The following MIER2 variants were observed in gnomAD, a reference collection of about 807,000 sequenced individuals.
The protein encoded by MIER2 is mesoderm induction early response protein 2.
A neutral mutation model predicts 67.6 loss-of-function variants in MIER2; 30 were observed. The observed-to-expected ratio is 0.44, with a 90% CI of 0.33 to 0.60. The LOEUF (loss-of-function observed/expected upper bound fraction) is 0.60. Ranked by LOEUF, MIER2 falls within the 20% of genes least tolerant of loss-of-function variation. MIER2 has a pLI of 0.02. For missense variants in MIER2, 702 were observed against 745.1 expected (o/e 0.94, Z 0.67); for synonymous variants, 372 against 312.6 (o/e 1.19, Z -2.00).
At position 313,585 on chromosome 19, in the gene MIER2, C is replaced by A; in HGVS notation, c.714G>T (p.Val238=). 1 of 1,613,430 alleles carries A rather than the reference C, an allele frequency of 6.2e-7. No homozygotes were observed. Among genetic ancestry groups the A allele is most frequent in the Non-Finnish European group, 8.5e-7 (1 of 1,179,960 alleles). ...TCACCGCCCTGTACAGGAACTCCTC[C>A]ACCTCCCTCTCAGGGAGGACGCTGG... The part of the protein sequence containing the change: ...WDPSVLPERE[V]EEFLYRAVKR... The change falls in exon 8 of 14, where the codon GTG becomes GTT. Residue 238 remains valine (V), a synonymous_variant. Coordinates refer to ENST00000264819, the MANE Select transcript of MIER2 (RefSeq NM_017550.3).
chr19:325,529 C>T (rs897181766), intron 7 of MIER2, 106 bp downstream of exon 7: 8 of 1,294,416 alleles, frequency 6.2e-6, no homozygotes, highest in African/African-American at 4.4e-5. Flanking sequence ...CCCCAGTGAG[C>T]GATGCGGGGC....
At chr19:327,819 CCCA>C (rs773727356) in intron 4 of MIER2, 42 bp downstream of exon 4, 1 of 1,606,462 alleles carries the variant, frequency 6.2e-7, no homozygotes, top group Non-Finnish European at 8.5e-7. Context: ...GCCAGGCCCC[CCCA>C]CCTTCAGCTG....
Position 309,381 on chromosome 19 carries a change from G to A in MIER2, c.985-456C>T, listed in dbSNP as rs1017518605. On this transcript the variant is annotated intron_variant, in intron 10 of 13. Transcript: ENST00000264819. ...ACTCCTGGACTGAGCCCCTTCCCCG[G>A]GAGGAAGAGGCACAAGCCCGCGGCG... Among the ~76,000 whole-genome samples, 20 of 152,160 alleles carry A rather than the reference G, an allele frequency of 1.3e-4. 1 individual carries two copies. The highest frequency in any genetic ancestry group is 1.2e-3 in the Admixed American group (19 of 15,288).
intron 1 of MIER2, among the ~76,000 whole-genome samples, chr19:342,709 C>T (rs1600184307): frequency 6.6e-6 from 1 of 151,342 alleles, no homozygotes; most frequent in East Asian, 1.9e-4. Flanking sequence ...GTACTGATCA[C>T]GTGCTATAAA....
Position 334,405 on chromosome 19 carries a change from A to T in MIER2, c.238T>A (p.Ser80Thr). ...GGATCACCTTGGCCAAGTACCTGGG[A>T]GATGAAGTCCTTCTCCAGCTCCTCC... Reference protein sequence around the residue: ...PKEELEKDFISQSNDMPFDEL... With the variant: ...PKEELEKDFITQSNDMPFDEL... Residue 80 changes from serine to threonine, a missense_variant, in exon 3 of 14, where the codon TCC becomes ACC. Transcript: ENST00000264819. 6.2e-7 allele frequency: 1 copy of T among 1,614,144 alleles called. No individual in the cohort carries two copies. Among genetic ancestry groups the T allele is most frequent in the Non-Finnish European group, 8.5e-7 (1 of 1,180,004 alleles).
In MIER2 at chr19:307,363, C is replaced by A; in HGVS notation, c.1372G>T (p.Ala458Ser). ...GCGTCTGGCTCCGGAGCAGTGACAG[C>A]TGGCTGGTATGAGGCTGGGTCGGCC... The part of the protein sequence containing the change: ...ALADPASYQP[A>S]VTAPEPDASP... Residue 458 changes from alanine to serine, a missense_variant, in exon 13 of 14, where the codon GCT (alanine) becomes TCT (serine). By Grantham distance (99) the Ala-to-Ser change is moderately conservative (BLOSUM62 1). Coordinates refer to ENST00000264819, the MANE Select transcript of MIER2 (RefSeq NM_017550.3). The A allele has an allele frequency of 6.2e-7, 1 of 1,606,472 alleles. No homozygotes were observed. The highest frequency in any genetic ancestry group is 8.5e-7 in the Non-Finnish European group (1 of 1,177,360).
At chr19:306,836 G>C (rs146930095) in intron 13 of MIER2, 125 bp from the exon 14 acceptor site, 4 of 1,455,958 alleles carry the variant, frequency 2.7e-6, no homozygotes, top group Non-Finnish European at 3.8e-6. Context: ...TATGGCAGCC[G>C]GGCCCGGGGT....
At chr19:341,534 T>A (rs538254698) in intron 1 of MIER2, among the ~76,000 whole-genome samples, 6 of 152,226 alleles carry the variant, frequency 3.9e-5, no homozygotes, top group Admixed American at 3.9e-4. Context: ...TTCCTGGAAC[T>A]TACCACGGAA....
At chr19:339,075 T>A in intron 1 of MIER2, among the ~76,000 whole-genome samples, 13 of 109,598 alleles carry the variant, frequency 1.2e-4, no homozygotes, top group African/African-American at 1.6e-4. Flanking sequence ...AAATCACAAG[T>A]GACCAAAAAA....
At position 308,755 on chromosome 19, in the gene MIER2, G is replaced by T; in HGVS notation, c.1109+46C>A. On this transcript the variant is annotated intron_variant, in intron 11 of 13. Transcript: ENST00000264819. The surrounding 1 kb of genome is among the most constrained non-coding windows in gnomAD (Gnocchi z 9.1). ...CCCAGGCGCCCACGTGCCCACCCCCGGCGGGGTGGCCGCCTGTCGTTACTG... is the reference window on the plus strand; with the variant it reads ...CCCAGGCGCCCACGTGCCCACCCCCTGCGGGGTGGCCGCCTGTCGTTACTG... 1 of 1,593,268 alleles carries T rather than the reference G, an allele frequency of 6.3e-7. No individual in the cohort carries two copies. Among genetic ancestry groups the T allele is most frequent in the Non-Finnish European group, 8.6e-7 (1 of 1,165,246 alleles).
intron 7 of MIER2, among the ~76,000 whole-genome samples, chr19:321,537 T>C (rs1306131146): frequency 2.0e-5 from 3 of 151,762 alleles, no homozygotes; most frequent in African/African-American, 7.3e-5. Context: ...CCCAGTTACT[T>C]GGGAGGCTGA....
rs754576063 is a variant in MIER2 at position 307,395 on chromosome 19, GGGGGCCGATGGGACA to G, written c.1325_1339del (p.Leu442_Pro446del). On this transcript the variant is annotated inframe_deletion, in exon 13 of 14. Coordinates refer to ENST00000264819, the MANE Select transcript of MIER2 (RefSeq NM_017550.3). Reference sequence around the variant, plus strand: ...GTATGAGGCTGGGTCGGCCAGGGCTGGGGGCCGATGGGACAGGGGTACAGCGGGGGACTCATCCAG... The same window carrying G: ...GTATGAGGCTGGGTCGGCCAGGGCTGGGGGTACAGCGGGGGACTCATCCAG... 1 of 1,607,050 alleles carries G rather than the reference GGGGGCCGATGGGACA, an allele frequency of 6.2e-7. No individual in the cohort carries two copies. Among genetic ancestry groups the G allele is most frequent in the Non-Finnish European group, 8.5e-7 (1 of 1,178,052 alleles).
chr19:326,916 C>G lies in MIER2; in HGVS notation c.493+217G>C, dbSNP rs1005793616. The G allele has an allele frequency of 8.0e-6, 5 of 628,622 alleles. No individual in the cohort carries two copies. In the Admixed American group the frequency reaches 1.3e-4, roughly 17 times the overall value. The allele number at this position is 628,622 out of a possible 1,614,324, so 38.9% of individuals were successfully genotyped here. On this transcript the variant is annotated intron_variant, in intron 5 of 13. Coordinates refer to ENST00000264819, the MANE Select transcript of MIER2 (RefSeq NM_017550.3). Reference sequence around the variant, plus strand: ...TCTGCTAGGGGAACCAACATGTTCCCTACTTGTTTAAACCAAATCGCTCTG... The same window carrying G: ...TCTGCTAGGGGAACCAACATGTTCCGTACTTGTTTAAACCAAATCGCTCTG...
chr19:308,524 C>G lies in MIER2; in HGVS notation c.1198+53G>C. The stretch of plus-strand genomic sequence containing the variant: ...GAGAGGCTCCACCGGGCCTCACTCA[C>G]GGCTCCAGACCCGTGGCCGCCCCCA... On this transcript the variant is annotated intron_variant, in intron 12 of 13. Transcript: ENST00000264819. This position sits in a 1 kb window ranked among gnomAD's most constrained non-coding sequence, Gnocchi z 9.1. 6.6e-7 allele frequency: 1 copy of G among 1,516,378 alleles called. No individual in the cohort carries two copies. 93.9% of individuals were successfully genotyped at this position (1,516,378 alleles called of 1,614,324 possible).
intron 7 of MIER2, 44 bp downstream of exon 7, chr19:325,591 C>G (rs1465506181): frequency 6.2e-7 from 1 of 1,610,168 alleles, no homozygotes; most frequent in Non-Finnish European, 8.5e-7. Flanking sequence ...GGCCACTCCC[C>G]TTGCAGAAGT....
intron 6 of MIER2, 130 bp downstream of exon 6, chr19:326,377 G>A: frequency 1.3e-6 from 1 of 763,270 alleles, no homozygotes. Flanking sequence ...TGCCAGGTTG[G>A]GGACACGGCA....
chr19:318,352 A>G (rs1971349771), intron 7 of MIER2, among the ~76,000 whole-genome samples: 2 of 152,260 alleles, frequency 1.3e-5, no homozygotes, highest in South Asian at 4.1e-4. Flanking sequence ...TACGGTAAGA[A>G]GTGTTACTAC....
intron 10 of MIER2, among the ~76,000 whole-genome samples, chr19:309,650 G>A (rs1970838865): frequency 1.0e-5 from 1 of 99,354 alleles, no homozygotes; most frequent in South Asian, 3.9e-4. Flanking sequence ...TCAGGGAGAC[G>A]AGAAGGGACA....
intron 7 of MIER2, 128 bp downstream of exon 7, chr19:325,507 C>G: frequency 9.3e-7 from 1 of 1,071,174 alleles, no homozygotes; most frequent in Non-Finnish European, 1.4e-6. Flanking sequence ...CCTCCAGCCA[C>G]AGGCTCAGCT....
Sources: gnomAD v4.1 joint callset for allele counts (sites outside exome capture counted in the v4.1 genomes callset) on GRCh38, gnomAD v4.1.1 for gene constraint, Gnocchi (gnomAD v3.1) non-coding constraint, MANE v1.5 for transcripts, NCBI Gene and HGNC (gene_info 2026-07-23, HGNC 2026-07-21) for gene names.